The following LRRC37A2 variants were observed in gnomAD, a reference collection of about 807,000 sequenced individuals.
LRRC37A2 encodes the protein leucine-rich repeat-containing protein 37A2.
A neutral mutation model predicts 68.8 loss-of-function variants in LRRC37A2; 9 were observed. The ratio of observed to expected loss-of-function variants is 0.13; its 90% CI spans 0.08 to 0.23. The LOEUF is 0.23. Among genes scored for constraint, LRRC37A2 ranks in the 10% least tolerant of loss-of-function variants. LRRC37A2 has a pLI of 1.00. For missense variants in LRRC37A2, 168 were observed against 950.4 expected (o/e 0.18, Z 10.82); for synonymous variants, 63 against 367.6 (o/e 0.17, Z 9.48).
chr17:46,930,029 G>T, the LRRC37A2 span: 1 of 151,478 alleles, frequency 6.6e-6, no homozygotes. Context: ...GAAGCATGCT[G>T]GTTTTTTGTT....
the LRRC37A2 span, among the ~76,000 whole-genome samples, chr17:46,469,738 C>T: frequency 1.4e-5 from 1 of 73,596 alleles, no homozygotes; most frequent in Non-Finnish European, 3.5e-5. Flanking sequence ...CTTTTCCCTT[C>T]TGCAGCTTCC....
chr17:46,980,505 G>C, the LRRC37A2 span, among the ~76,000 whole-genome samples: 3 of 151,556 alleles, frequency 2.0e-5, no homozygotes. Flanking sequence ...TCTTTAGATT[G>C]TATTTTGAAA....
the LRRC37A2 span, among the ~76,000 whole-genome samples, chr17:47,015,169 A>G: frequency 2.0e-5 from 3 of 151,848 alleles, no homozygotes; most frequent in African/African-American, 7.3e-5. Context: ...CACCACACTC[A>G]GCTAATTTTT....
the LRRC37A2 span, among the ~76,000 whole-genome samples, chr17:46,906,541 G>C: frequency 1.3e-5 from 2 of 152,212 alleles, no homozygotes; most frequent in Admixed American, 1.3e-4. Context: ...TCATGCCTCA[G>C]CCTCCTGAGT....
chr17:47,033,723 GAAA>G, the LRRC37A2 span, among the ~76,000 whole-genome samples: 1 of 151,860 alleles, frequency 6.6e-6, no homozygotes, highest in Admixed American at 6.6e-5. Context: ...AATTTGGAGG[GAAA>G]AAAAAGAACA....
the LRRC37A2 span, among the ~76,000 whole-genome samples, chr17:46,837,508 T>C: frequency 2.0e-5 from 3 of 152,168 alleles, no homozygotes; most frequent in African/African-American, 7.2e-5. Flanking sequence ...TAGAACCCCA[T>C]GCAAGAGCTG....
At chr17:46,989,834 G>T in the LRRC37A2 span, among the ~76,000 whole-genome samples, 1 of 152,242 alleles carries the variant, frequency 6.6e-6, no homozygotes. Context: ...CAAGTTTCTA[G>T]CTTTCAGCCA....
At chr17:46,869,445 A>G in the LRRC37A2 span, among the ~76,000 whole-genome samples, 1 of 152,120 alleles carries the variant, frequency 6.6e-6, no homozygotes, top group African/African-American at 2.4e-5. Context: ...CGTTCTGGGC[A>G]CTGCAGAGTG....
At chr17:46,806,508 T>G in the LRRC37A2 span, among the ~76,000 whole-genome samples, 1 of 152,116 alleles carries the variant, frequency 6.6e-6, no homozygotes, top group Non-Finnish European at 1.5e-5. Context: ...CGCGCCCAGC[T>G]GAGCCTCAGT....
the LRRC37A2 span, among the ~76,000 whole-genome samples, chr17:46,767,843 C>G: frequency 6.6e-6 from 1 of 151,868 alleles, no homozygotes; most frequent in East Asian, 1.9e-4. Flanking sequence ...GGATGGAGTC[C>G]AGTGGTGCAA....
the LRRC37A2 span, among the ~76,000 whole-genome samples, chr17:46,835,357 A>G: frequency 2.3e-4 from 35 of 152,008 alleles, no homozygotes; most frequent in African/African-American, 7.0e-4. Flanking sequence ...GACTACAGGC[A>G]CCCGCCACCA....
the LRRC37A2 span, among the ~76,000 whole-genome samples, chr17:46,907,699 A>C: frequency 1.4e-5 from 2 of 142,360 alleles, no homozygotes; most frequent in Admixed American, 1.4e-4. Flanking sequence ...CAAAAAACCC[A>C]AAATTAAGTA....
chr17:46,879,169 C>T, the LRRC37A2 span, among the ~76,000 whole-genome samples: 4 of 152,170 alleles, frequency 2.6e-5, no homozygotes, highest in Non-Finnish European at 5.9e-5. Flanking sequence ...TATATAGTTG[C>T]TATATTTCAC....
the LRRC37A2 span, among the ~76,000 whole-genome samples, chr17:46,901,467 G>A: frequency 3.3e-5 from 5 of 152,122 alleles, no homozygotes; most frequent in South Asian, 2.1e-4. Flanking sequence ...AGCCCAGCAC[G>A]TTTAAAGAAC....
At chr17:46,959,673 G>T in the LRRC37A2 span, among the ~76,000 whole-genome samples, 1 of 152,130 alleles carries the variant, frequency 6.6e-6, no homozygotes, top group Non-Finnish European at 1.5e-5. Flanking sequence ...GCTGAATTAT[G>T]GTGGGAAAGG....
At chr17:46,719,249 G>C in the LRRC37A2 span, among the ~76,000 whole-genome samples, 1 of 152,082 alleles carries the variant, frequency 6.6e-6, no homozygotes, top group African/African-American at 2.4e-5. The surrounding 1 kb of genome is among the most constrained non-coding windows in gnomAD (Gnocchi z 4.3). Flanking sequence ...ATTAATTTTT[G>C]TTAAAGATGT....
At chr17:46,791,850 G>C in the LRRC37A2 span, among the ~76,000 whole-genome samples, 2 of 152,176 alleles carry the variant, frequency 1.3e-5, no homozygotes, top group African/African-American at 4.8e-5. Context: ...GATCAGCCTG[G>C]GCAACACAGC....
chr17:47,030,875 AAAAC>A, the LRRC37A2 span, among the ~76,000 whole-genome samples: 1 of 152,192 alleles, frequency 6.6e-6, no homozygotes, highest in Non-Finnish European at 1.5e-5. Context: ...AAGTTTGTAA[AAAAC>A]AAACAAAAAA....
the LRRC37A2 span, among the ~76,000 whole-genome samples, chr17:46,985,619 G>T: frequency 1.3e-5 from 2 of 151,666 alleles, no homozygotes; most frequent in African/African-American, 4.8e-5. Context: ...CTACACAGTG[G>T]AGAATGAGAC....
Sources: allele counts gnomAD v4.1 joint callset (sites outside exome capture counted in the v4.1 genomes callset), GRCh38; gene constraint gnomAD v4.1.1; non-coding constraint Gnocchi (gnomAD v3.1); transcripts MANE v1.5; gene names NCBI Gene and HGNC (gene_info 2026-07-23, HGNC 2026-07-21).